P2RY12: variants seen among roughly 807,000 people sequenced by gnomAD.
P2RY12 encodes P2Y purinoceptor 12.
A neutral mutation model predicts 4.5 loss-of-function variants in P2RY12; 3 were observed. The ratio of observed to expected loss-of-function variants is 0.67; its 90% confidence interval spans 0.31 to 1.74. P2RY12 has a LOEUF of 1.74. Among genes scored for constraint, P2RY12 ranks in the 40% most tolerant of loss-of-function variants. P2RY12 has a pLI of 0.09. For synonymous variants in P2RY12, 148 were observed against 154.1 expected (o/e 0.96, Z 0.29); for missense variants, 356 against 407.8 (o/e 0.87, Z 1.09).
chr3:151,371,620 A>G (rs1414830801), intron 1 of P2RY12, among the ~76,000 whole-genome samples: 2 of 152,132 alleles, frequency 1.3e-5, no homozygotes, highest in African/African-American at 2.4e-5. Flanking sequence ...GGCTTTTTCC[A>G]TTAACTTGGG....
At chr3:151,342,188 C>T (rs547273001) in intron 1 of P2RY12, among the ~76,000 whole-genome samples, 1 of 152,238 alleles carries the variant, frequency 6.6e-6, no homozygotes, top group African/African-American at 2.4e-5. Context: ...GTTTATAGTC[C>T]CACCAACAGT....
At chr3:151,342,775 GCCTT>G (rs1432163381) in intron 1 of P2RY12, among the ~76,000 whole-genome samples, 4 of 152,210 alleles carry the variant, frequency 2.6e-5, no homozygotes, top group African/African-American at 9.6e-5. Context: ...ACAAATCTTA[GCCTT>G]CCTTATTTGT....
chr3:151,362,112 C>T (rs1754682143), intron 1 of P2RY12, among the ~76,000 whole-genome samples: 1 of 151,966 alleles, frequency 6.6e-6, no homozygotes, highest in Non-Finnish European at 1.5e-5. Flanking sequence ...TCTCTAGAAC[C>T]TGCCCATTCT....
intron 1 of P2RY12, among the ~76,000 whole-genome samples, chr3:151,375,167 G>A (rs1335775272): frequency 6.6e-6 from 1 of 152,098 alleles, no homozygotes; most frequent in Non-Finnish European, 1.5e-5. Flanking sequence ...CTGATATTTG[G>A]GTGCCACCAC....
intron 1 of P2RY12, among the ~76,000 whole-genome samples, chr3:151,368,675 ATGTCATTTCATT>A: frequency 1.5e-5 from 1 of 67,546 alleles, no homozygotes. Context: ...ATTTCATTTC[ATGTCATTTCATT>A]TTATTTCATT....
At position 151,365,036 on chromosome 3, in the gene P2RY12, G is replaced by C. The variant is rs199576123; in HGVS notation, c.-180+19656C>G. On this transcript the variant is annotated intron_variant, in intron 1 of 2. Transcript: ENST00000302632. ...ATAATAACGTGATGCCTGCAAATTC[G>C]AACTTGCGATGGGATCCAGACTTCA... 2.7e-5 allele frequency: 44 copies of C among 1,613,974 alleles called. No individual in the cohort carries two copies. The East Asian group carries it at 9.1e-4, about 34-fold the overall frequency.
intron 1 of P2RY12, among the ~76,000 whole-genome samples, chr3:151,351,942 ATTG>A (rs1485520986): frequency 2.6e-5 from 4 of 152,182 alleles, no homozygotes; most frequent in African/African-American, 9.6e-5. Context: ...AGCGAAAAAC[ATTG>A]TTGTTCTGTG....
chr3:151,373,080 G>A (rs1303651432), intron 1 of P2RY12, among the ~76,000 whole-genome samples: 2 of 151,980 alleles, frequency 1.3e-5, no homozygotes, highest in Admixed American at 1.3e-4. Flanking sequence ...TTTGAATATT[G>A]CATTATTTCA....
chr3:151,374,930 C>T (rs1002599426), intron 1 of P2RY12, among the ~76,000 whole-genome samples: 1 of 151,878 alleles, frequency 6.6e-6, no homozygotes, highest in Admixed American at 6.6e-5. Flanking sequence ...TAAAAGTTCT[C>T]TTATAAAAAA....
intron 1 of P2RY12, chr3:151,365,979 T>G: frequency 6.3e-7 from 1 of 1,593,156 alleles, no homozygotes; most frequent in Non-Finnish European, 8.5e-7. Context: ...ATGATGTACT[T>G]TGCACTGTAG....
chr3:151,372,604 A>G, intron 1 of P2RY12: 2 of 1,613,936 alleles, frequency 1.2e-6, no homozygotes, highest in Non-Finnish European at 1.7e-6. Flanking sequence ...TCAGCTCTTT[A>G]AAGAATGATG....
At chr3:151,346,202 G>A (rs945954324) in intron 1 of P2RY12, among the ~76,000 whole-genome samples, 47 of 152,082 alleles carry the variant, frequency 3.1e-4, no homozygotes, top group African/African-American at 1.1e-3. Flanking sequence ...TGGTCAAGTA[G>A]AAAGATGTTC....
chr3:151,361,260 T>C (rs1754579240), intron 1 of P2RY12, among the ~76,000 whole-genome samples: 2 of 152,178 alleles, frequency 1.3e-5, no homozygotes, highest in African/African-American at 4.8e-5. Flanking sequence ...ACAATTTTGC[T>C]GTTTAGCAGG....
chr3:151,365,529 A>G (rs908155812), intron 1 of P2RY12, among the ~76,000 whole-genome samples: 2 of 152,242 alleles, frequency 1.3e-5, no homozygotes, highest in Non-Finnish European at 2.9e-5. Context: ...GTCCACCTAA[A>G]TTACATGATG....
Position 151,342,311 on chromosome 3 carries a change from T to A in P2RY12, c.-179-1551A>T, listed in dbSNP as rs569840854. ...CCTGGTGTCTCAAACTGCAGTGTCC[T>A]TCTGTTATCAGTGGGAATCATTTGT... On this transcript the variant is annotated intron_variant, in intron 1 of 2. Coordinates refer to ENST00000302632, the MANE Select transcript of P2RY12 (RefSeq NM_022788.5). Among the ~76,000 whole-genome samples, 328 of 152,336 alleles carry A rather than the reference T, an allele frequency of 2.2e-3. 1 individual carries two copies. Among genetic ancestry groups the A allele is most frequent in the African/African-American group, 7.6e-3 (317 of 41,550 alleles).
At chr3:151,345,642 C>A (rs764300972) in intron 1 of P2RY12, among the ~76,000 whole-genome samples, 4 of 151,426 alleles carry the variant, frequency 2.6e-5, no homozygotes, top group African/African-American at 7.3e-5. Flanking sequence ...CTCAGCCTCC[C>A]GAGTAGCTGA....
rs1251284173 is a variant in P2RY12, at chr3:151,360,671, A to G, written c.-179-19911T>C. The G allele has an allele frequency of 4.2e-6, 6 of 1,415,946 alleles. No homozygotes were observed. The African/African-American group carries it at 4.3e-5, about 10-fold the overall frequency. The allele number at this position is 1,415,946 out of a possible 1,614,324, so 87.7% of individuals were successfully genotyped here. ...CCTATGTTTGTTAGTGACCCTGACA[A>G]TATTGTCATCCTTTTGAATAATGAA... On this transcript the variant is annotated intron_variant, in intron 1 of 2. Coordinates refer to ENST00000302632, the MANE Select transcript of P2RY12 (RefSeq NM_022788.5).
intron 1 of P2RY12, among the ~76,000 whole-genome samples, chr3:151,373,489 C>G (rs1756430454): frequency 6.6e-6 from 1 of 151,964 alleles, no homozygotes; most frequent in Non-Finnish European, 1.5e-5. Context: ...GTTTAACTCC[C>G]CCACCCCTCA....
At position 151,378,493 on chromosome 3, in the gene P2RY12, T is replaced by A. The variant is rs191378096; in HGVS notation, c.-180+6199A>T. Among the ~76,000 whole-genome samples the A allele has an allele frequency of 8.4e-4, 128 of 151,986 alleles. 1 individual carries two copies. Among genetic ancestry groups the A allele is most frequent in the Non-Finnish European group, 1.1e-3 (76 of 67,952 alleles). On this transcript the variant is annotated intron_variant, in intron 1 of 2. Transcript: ENST00000302632. The stretch of plus-strand genomic sequence containing the variant: ...GATCCCTGTATTTTATTTTTAATTA[T>A]TTCTATTTTTTTATTATTTAGATAT...
Sources: gnomAD v4.1 joint callset for allele counts (sites outside exome capture counted in the v4.1 genomes callset) on GRCh38, gnomAD v4.1.1 for gene constraint, MANE v1.5 for transcripts, NCBI Gene and HGNC (gene_info 2026-07-23, HGNC 2026-07-21) for gene names.